PCDHA9: variants seen among roughly 807,000 people sequenced by gnomAD.
The protein encoded by PCDHA9 is protocadherin alpha 9.
PCDHA9 carries 62 observed loss-of-function variants against 62.0 expected under a neutral mutation model. That is an observed-to-expected ratio of 1.00 (90% confidence interval 0.81 to 1.23). PCDHA9 has a LOEUF of 1.23. Ranked by LOEUF, PCDHA9 falls within the 50% of genes most tolerant of loss-of-function variation. The pLI, the probability that PCDHA9 is intolerant of heterozygous loss-of-function variation, is 0.00. For synonymous variants in PCDHA9, 557 were observed against 567.6 expected (o/e 0.98, Z 0.27); for missense variants, 1,205 against 1,249.8 (o/e 0.96, Z 0.54).
intron 1 of PCDHA9, among the ~76,000 whole-genome samples, chr5:140,938,866 G>A (rs1372323218): frequency 2.6e-5 from 4 of 152,040 alleles, no homozygotes; most frequent in African/African-American, 9.7e-5. Context: ...GAACTTAAAA[G>A]TTAAGAAGCA....
intron 1 of PCDHA9, among the ~76,000 whole-genome samples, chr5:140,878,958 T>C (rs2057789754): frequency 6.6e-6 from 1 of 152,208 alleles, no homozygotes; most frequent in Admixed American, 6.5e-5. Context: ...TTGAAATGTA[T>C]TACCTGGACA....
intron 3 of PCDHA9, among the ~76,000 whole-genome samples, chr5:141,006,275 G>C (rs782763386): frequency 6.6e-6 from 1 of 151,772 alleles, no homozygotes; most frequent in Non-Finnish European, 1.5e-5. Flanking sequence ...GCAGTGGCAC[G>C]ATCTCAGCTC....
intron 1 of PCDHA9, among the ~76,000 whole-genome samples, chr5:140,965,785 T>C (rs1315730975): frequency 1.3e-5 from 2 of 152,222 alleles, no homozygotes; most frequent in East Asian, 3.8e-4. Context: ...GCCTACAGCT[T>C]CATGGAGACT....
chr5:140,895,070 C>G (rs2064827781), intron 1 of PCDHA9, among the ~76,000 whole-genome samples: 1 of 152,106 alleles, frequency 6.6e-6, no homozygotes, highest in African/African-American at 2.4e-5. Context: ...GACTCAATTC[C>G]TATCAGTTCC....
intron 1 of PCDHA9, among the ~76,000 whole-genome samples, chr5:140,894,571 T>C (rs782019282): frequency 2.0e-5 from 3 of 151,906 alleles, no homozygotes; most frequent in Non-Finnish European, 4.4e-5. Flanking sequence ...TTATTTTCCT[T>C]TTTTTTAATA....
chr5:141,004,750 C>T (rs1205050665), intron 3 of PCDHA9, among the ~76,000 whole-genome samples: 1 of 152,112 alleles, frequency 6.6e-6, no homozygotes, highest in Non-Finnish European at 1.5e-5. Flanking sequence ...GTCTCAGTCT[C>T]TTAGAGACAG....
At chr5:140,999,049 A>G (rs962383659) in intron 3 of PCDHA9, among the ~76,000 whole-genome samples, 2 of 152,332 alleles carry the variant, frequency 1.3e-5, no homozygotes, top group Non-Finnish European at 2.9e-5. Context: ...TGTGCTTTCC[A>G]CCATGCCTAA....
intron 1 of PCDHA9, chr5:140,856,435 G>C (rs2043994865): frequency 6.3e-7 from 1 of 1,598,204 alleles, no homozygotes; most frequent in Non-Finnish European, 8.6e-7. Flanking sequence ...ACGACAACCC[G>C]CCCAGGTTCT....
intron 1 of PCDHA9, chr5:140,869,286 G>C: frequency 6.2e-7 from 1 of 1,613,616 alleles, no homozygotes; most frequent in Non-Finnish European, 8.5e-7. Flanking sequence ...AGCTGGTGCA[G>C]CGCCTGTTCC....
At position 140,995,103 on chromosome 5, in the gene PCDHA9, C is replaced by T. The variant is rs535399594; in HGVS notation, c.2542+12540C>T. Reference sequence around the variant, plus strand: ...CAAACTTATCTGTGGAGATACATTCCAAGACCCTCAGTGGATGCCTGAAAC... The same window carrying T: ...CAAACTTATCTGTGGAGATACATTCTAAGACCCTCAGTGGATGCCTGAAAC... On this transcript the variant is annotated intron_variant, in intron 3 of 3. Coordinates refer to ENST00000532602, the MANE Select transcript of PCDHA9 (RefSeq NM_031857.2). 1.1e-4 allele frequency among the ~76,000 whole-genome samples: 16 copies of T among 152,290 alleles called. No individual in the cohort carries two copies. In the South Asian group the frequency reaches 2.9e-3, roughly 28 times the overall value.
chr5:140,929,325 G>A (rs782073530), intron 1 of PCDHA9: 4 of 1,538,392 alleles, frequency 2.6e-6, no homozygotes, highest in Non-Finnish European at 3.5e-6. Flanking sequence ...TCAATGCCAT[G>A]GTAAGCAAAT....
rs2150493815 is a variant in PCDHA9 at position 140,850,683 on chromosome 5, G to A, written c.2188G>A (p.Gly730Ser). 6 of 1,598,480 alleles carry A rather than the reference G, an allele frequency of 3.8e-6. No individual in the cohort carries two copies. The East Asian group carries it at 1.1e-4, about 30-fold the overall frequency. Residue 730 changes from glycine (G) to serine (S), a missense_variant, in exon 1 of 4, where the codon GGC becomes AGC. Physicochemically the swap from Gly to Ser is moderately conservative, Grantham distance 56. Around this residue, in one of 3 missense-constraint regions of PCDHA9, gnomAD observed 887 missense variants for 809.5 expected, o/e 1.10. Coordinates refer to ENST00000532602, the MANE Select transcript of PCDHA9 (RefSeq NM_031857.2). The part of the protein sequence containing the change: ...VLRCSAMPTE[G>S]ECAPGKPTLV... ...GCGGTGCTCGGCGATGCCCACCGAG[G>A]GCGAGTGCGCGCCTGGCAAGCCGAC...
At chr5:140,875,292 T>C in intron 1 of PCDHA9, 1 of 1,401,900 alleles carries the variant, frequency 7.1e-7, no homozygotes, top group Non-Finnish European at 9.3e-7. Context: ...ACAGGAAAAT[T>C]TTTTTCTCCG....
At chr5:140,877,304 T>C in intron 1 of PCDHA9, 3 of 1,613,926 alleles carry the variant, frequency 1.9e-6, no homozygotes, top group Non-Finnish European at 2.5e-6. Context: ...TCCTACGAGT[T>C]GCAACCGGCG....
chr5:140,925,596 T>G (rs1218423622), intron 1 of PCDHA9, among the ~76,000 whole-genome samples: 1 of 151,466 alleles, frequency 6.6e-6, no homozygotes, highest in Admixed American at 6.6e-5. Context: ...TGTATACATA[T>G]GTAACAAACC....
At chr5:140,857,380 G>A (rs138042594) in intron 1 of PCDHA9, 8 of 1,598,488 alleles carry the variant, frequency 5.0e-6, no homozygotes, top group Middle Eastern at 1.7e-4. Flanking sequence ...CTGTGGAGGT[G>A]GCCGACGTGA....
chr5:140,959,382 A>C (rs1332960560), intron 1 of PCDHA9, among the ~76,000 whole-genome samples: 1 of 152,200 alleles, frequency 6.6e-6, no homozygotes, highest in African/African-American at 2.4e-5. Flanking sequence ...TCAAAAAAAA[A>C]AGTCACAAAT....
intron 1 of PCDHA9, among the ~76,000 whole-genome samples, chr5:140,960,338 G>A (rs2095541394): frequency 6.6e-6 from 1 of 152,172 alleles, no homozygotes; most frequent in Admixed American, 6.5e-5. Context: ...AGTACATGAG[G>A]TGAGATATGT....
Position 140,913,941 on chromosome 5 carries a change from C to T in PCDHA9, c.2394+63052C>T, listed in dbSNP as rs950871389. ...TACTTCATTGTGGTCAGAGAAGAAT[C>T]TTGATATGATATCATTTTTAAAAAA... On this transcript the variant is annotated intron_variant, in intron 1 of 3. Transcript: ENST00000532602. Among the ~76,000 whole-genome samples, 3 of 152,102 alleles carry T rather than the reference C, an allele frequency of 2.0e-5. No homozygotes were observed. In the East Asian group the frequency reaches 5.8e-4, roughly 29 times the overall value.
Sources: gnomAD v4.1 joint callset for allele counts (sites outside exome capture counted in the v4.1 genomes callset) on GRCh38, gnomAD v4.1.1 for gene constraint, gnomAD v4.1.1 regional missense constraint, MANE v1.5 for transcripts, NCBI Gene and HGNC (gene_info 2026-07-23, HGNC 2026-07-21) for gene names.